Variants in TIPIN observed in about 807,000 individuals in gnomAD.
TIPIN encodes TIMELESS interacting protein.
Under a neutral mutation model 35.6 loss-of-function variants are expected in TIPIN, and 29 were observed. The observed-to-expected ratio is 0.82, with a 90% CI of 0.61 to 1.11. The LOEUF (loss-of-function observed/expected upper bound fraction) is 1.11. Among genes scored for constraint, TIPIN ranks in the 50% most tolerant of loss-of-function variants. The pLI, the probability that TIPIN is intolerant of heterozygous loss-of-function variation, is 0.00. For missense variants in TIPIN, 296 were observed against 345.4 expected (o/e 0.86, Z 1.13); for synonymous variants, 102 against 121.5 (o/e 0.84, Z 1.06).
rs2093306244 is a variant in TIPIN at position 66,378,588 on chromosome 15, T to C, written c.-9+8019A>G. On this transcript the variant is annotated intron_variant, in intron 1 of 7. Coordinates refer to the TIPIN transcript ENST00000562124. ...TGTTAAATCTTTGTGAGGTTAATTTTATTAATCTTTGCCTTTATGGTTTTG... is the reference window on the plus strand; with the variant it reads ...TGTTAAATCTTTGTGAGGTTAATTTCATTAATCTTTGCCTTTATGGTTTTG... Among the ~76,000 whole-genome samples the C allele has an allele frequency of 2.0e-5, 3 of 152,234 alleles. No individual in the cohort carries two copies. The South Asian group carries it at 6.2e-4, about 31-fold the overall frequency.
In TIPIN at chr15:66,337,024, G is replaced by C. The variant is rs376496781; in HGVS notation, c.840C>G (p.Asp280Glu). The C allele has an allele frequency of 2.4e-5, 39 of 1,613,986 alleles. No homozygotes were observed. The highest frequency in any genetic ancestry group is 3.1e-5 in the Non-Finnish European group (37 of 1,179,970). ...NTLNEEETLL[D>E]QSFKNVQQQL... ...GCTGTTGCACATTTTTAAAAGACTG[G>C]TCCAGCAGTGTTTCCTCTTCATTTA... Residue 280 changes from aspartate to glutamate, a missense_variant, in exon 8 of 8, where the codon GAC (aspartate) becomes GAG (glutamate). Coordinates refer to ENST00000261881, the MANE Select transcript of TIPIN (RefSeq NM_017858.3).
At chr15:66,377,512 G>A (rs941366431) in intron 1 of TIPIN, among the ~76,000 whole-genome samples, 20 of 147,510 alleles carry the variant, frequency 1.4e-4, no homozygotes, top group Non-Finnish European at 2.2e-4. Flanking sequence ...CTACAGGCGC[G>A]TGCCACCACG....
At chr15:66,368,299 C>G (rs1265021184) in intron 1 of TIPIN, among the ~76,000 whole-genome samples, 1 of 151,142 alleles carries the variant, frequency 6.6e-6, no homozygotes, top group Non-Finnish European at 1.5e-5. Context: ...GAGGGAGGAT[C>G]ACTTGAGTTC....
At chr15:66,337,821 A>G (rs990678444) in intron 7 of TIPIN, among the ~76,000 whole-genome samples, 11 of 151,938 alleles carry the variant, frequency 7.2e-5, no homozygotes, top group Non-Finnish European at 4.4e-5. Context: ...GCGAACCATG[A>G]TCGTGCCACT....
At chr15:66,373,320 C>T (rs1382900398) in intron 1 of TIPIN, among the ~76,000 whole-genome samples, 2 of 151,796 alleles carry the variant, frequency 1.3e-5, no homozygotes, top group South Asian at 2.1e-4. Flanking sequence ...GGTGAAACAC[C>T]GTCTCTACTA....
intron 1 of TIPIN, chr15:66,379,833 T>C (rs911935496): frequency 2.8e-5 from 45 of 1,596,316 alleles, no homozygotes; most frequent in Middle Eastern, 4.5e-4. Context: ...TCTGGGGCCA[T>C]TCACGATAAC....
At chr15:66,361,446 G>A (rs1486928045), upstream of TIPIN, among the ~76,000 whole-genome samples, 7 of 151,082 alleles carry the variant, frequency 4.6e-5, no homozygotes, top group Non-Finnish European at 8.9e-5. Context: ...TAGTAGAGAC[G>A]GGGTTTCACC....
intron 1 of TIPIN, chr15:66,366,780 AAAG>A: frequency 5.0e-5 from 48 of 955,138 alleles, no homozygotes; most frequent in Non-Finnish European, 5.6e-5. Context: ...AAAAAAAAAA[AAAG>A]AAAGAAAGAA....
Position 66,341,435 on chromosome 15 carries a change from T to C in TIPIN, c.476-79A>G, listed in dbSNP as rs1273624718. On this transcript the variant is annotated intron_variant, in intron 6 of 7. Transcript: ENST00000261881. ...CTTCTCATTGAAAAAGAATTTAAAGTGGCAAGGTGACAGACCTGAAAAAAC... is the reference window on the plus strand; with the variant it reads ...CTTCTCATTGAAAAAGAATTTAAAGCGGCAAGGTGACAGACCTGAAAAAAC... 5 of 1,350,298 alleles carry C rather than the reference T, an allele frequency of 3.7e-6. No individual in the cohort carries two copies. The East Asian group carries it at 7.5e-5, about 20-fold the overall frequency. The allele number at this position is 1,350,298 out of a possible 1,614,324, so 83.6% of individuals were successfully genotyped here.
At chr15:66,346,257 C>CTTT (rs536484516) in intron 6 of TIPIN, among the ~76,000 whole-genome samples, 4 of 131,066 alleles carry the variant, frequency 3.1e-5, no homozygotes, top group African/African-American at 5.6e-5. Context: ...CTTAATTTAT[C>CTTT]TTTTTTTTTT....
Position 66,384,441 on chromosome 15 carries a change from C to T in TIPIN, c.-9+2166G>A, listed in dbSNP as rs183659091. Among the ~76,000 whole-genome samples the T allele has an allele frequency of 3.2e-3, 480 of 151,916 alleles. 4 individuals are homozygous for T. Among genetic ancestry groups the T allele is most frequent in the African/African-American group, 0.011 (464 of 41,430 alleles). ...TCCTGAGTAGCTGGGATTACAGGTG[C>T]CCACCACCATGCCTGGCTAATTTTT... On this transcript the variant is annotated intron_variant, in intron 1 of 7. Transcript: ENST00000562124.
chr15:66,382,815 T>C (rs778809319), intron 1 of TIPIN: 10 of 450,004 alleles, frequency 2.2e-5, no homozygotes, highest in South Asian at 9.4e-5. Context: ...CAAATATATA[T>C]GTTACAGTGT....
chr15:66,377,827 T>C lies in TIPIN; in HGVS notation c.-9+8780A>G, dbSNP rs562115018. On this transcript the variant is annotated intron_variant, in intron 1 of 7. Coordinates refer to the TIPIN transcript ENST00000562124. ...GAGTAGCAGGGACTACAGGCACATG[T>C]CATTACACCCGACTAATTTTTTCTT... Among the ~76,000 whole-genome samples, 5 of 151,514 alleles carry C rather than the reference T, an allele frequency of 3.3e-5. No homozygotes were observed. The South Asian group carries it at 1.0e-3, about 32-fold the overall frequency.
intron 1 of TIPIN, among the ~76,000 whole-genome samples, chr15:66,384,580 C>A (rs548803920): frequency 6.6e-6 from 1 of 152,090 alleles, no homozygotes; most frequent in Admixed American, 6.6e-5. Flanking sequence ...AGGTGGTAGC[C>A]GCCACTGCAT....
At chr15:66,366,153 C>CAA (rs537298134) in intron 1 of TIPIN, among the ~76,000 whole-genome samples, 13 of 143,810 alleles carry the variant, frequency 9.0e-5, no homozygotes, top group South Asian at 2.2e-4. Context: ...GAGTCCCTCC[C>CAA]AAAAAAAAAA....
chr15:66,379,784 T>C (rs2093311337), intron 1 of TIPIN: 1 of 1,602,450 alleles, frequency 6.2e-7, no homozygotes, highest in Non-Finnish European at 8.5e-7. Context: ...GAAGACTGAG[T>C]TCTACATTGA....
At chr15:66,357,468 C>G (rs1466138826), upstream of TIPIN, among the ~76,000 whole-genome samples, 1 of 151,966 alleles carries the variant, frequency 6.6e-6, no homozygotes, top group Non-Finnish European at 1.5e-5. Context: ...CGCCTGTAAT[C>G]CCAGCACTTT....
At chr15:66,348,996 C>A in intron 6 of TIPIN, 64 bp downstream of exon 6, 1 of 1,326,256 alleles carries the variant, frequency 7.5e-7, no homozygotes, top group Non-Finnish European at 1.1e-6. Flanking sequence ...TGAGCCACCA[C>A]ACCCTGCCTA....
At chr15:66,339,143 A>C (rs1037644689) in intron 7 of TIPIN, among the ~76,000 whole-genome samples, 1 of 54,580 alleles carries the variant, frequency 1.8e-5, no homozygotes, top group Non-Finnish European at 3.3e-5. Context: ...AAAAAAAAAA[A>C]AAAAAAAAAA....
Sources: gnomAD v4.1 joint callset for allele counts (sites outside exome capture counted in the v4.1 genomes callset) on GRCh38, gnomAD v4.1.1 for gene constraint, MANE v1.5 for transcripts, NCBI Gene and HGNC (gene_info 2026-07-23, HGNC 2026-07-21) for gene names.